DUOX1: variants seen among roughly 807,000 people sequenced by gnomAD.
The protein encoded by DUOX1 is dual oxidase 1.
A neutral mutation model predicts 181.8 loss-of-function variants in DUOX1; 134 were observed. That is an observed-to-expected ratio of 0.74 (90% CI 0.64 to 0.85). The LOEUF is 0.85. Among genes scored for constraint, DUOX1 ranks in the 40% least tolerant of loss-of-function variants. The pLI is 0.00. For missense variants in DUOX1, 1,814 were observed against 2,064.4 expected (o/e 0.88, Z 2.35); for synonymous variants, 798 against 832.5 (o/e 0.96, Z 0.71).
At chr15:45,133,983 C>T (rs1367026297) in intron 3 of DUOX1, 36 bp downstream of exon 3, 1 of 1,602,892 alleles carries the variant, frequency 6.2e-7, no homozygotes, top group East Asian at 2.2e-5. Flanking sequence ...AACCCCAGGG[C>T]CAGGGGGGTA....
intron 28 of DUOX1, among the ~76,000 whole-genome samples, chr15:45,159,798 C>T (rs1168914678): frequency 6.6e-6 from 1 of 152,214 alleles, no homozygotes; most frequent in Non-Finnish European, 1.5e-5. Context: ...TAATGGCAAA[C>T]AGTCCCTACC....
intron 28 of DUOX1, among the ~76,000 whole-genome samples, chr15:45,156,348 G>A (rs1896969285): frequency 6.6e-6 from 1 of 152,182 alleles, no homozygotes; most frequent in Non-Finnish European, 1.5e-5. Flanking sequence ...ATTTTTGGGG[G>A]CATTAGTCAC....
chr15:45,162,294 G>A lies in DUOX1; in HGVS notation c.4165G>A (p.Gly1389Ser). 11 of 1,613,914 alleles carry A rather than the reference G, an allele frequency of 6.8e-6. No individual in the cohort carries two copies. The highest frequency in any genetic ancestry group is 9.3e-6 in the Non-Finnish European group (11 of 1,179,924). Residue 1389 changes from glycine (G) to serine (S), a missense_variant, in exon 31 of 34, where the codon GGC becomes AGC. Gly to Ser is a moderately conservative substitution (Grantham distance 56). Around this residue, in one of 5 missense-constraint regions of DUOX1, gnomAD observed 279 missense variants for 381.9 expected, o/e 0.73. Transcript: ENST00000389037. ...KFEVSVLVGG[G>S]IGVTPFASIL... Reference sequence around the variant, plus strand: ...TGAGGTGTCAGTGTTAGTGGGAGGGGGCATTGGGGTCACCCCTTTTGCCTC... The same window carrying A: ...TGAGGTGTCAGTGTTAGTGGGAGGGAGCATTGGGGTCACCCCTTTTGCCTC...
chr15:45,155,064 A>G (rs1617207), intron 27 of DUOX1, among the ~76,000 whole-genome samples: 149,540 of 152,372 alleles, frequency 0.98, 73,466 homozygotes, highest in Non-Finnish European at 1. Flanking sequence ...ATGAGAGTAC[A>G]GCCTGTCATT....
intron 9 of DUOX1, among the ~76,000 whole-genome samples, chr15:45,137,133 A>T (rs1188509731): frequency 1.4e-5 from 2 of 146,086 alleles, no homozygotes; most frequent in African/African-American, 5.1e-5. Flanking sequence ...GGTTCACCTG[A>T]GGTCGGGAGT....
At position 45,163,521 on chromosome 15, in the gene DUOX1, T is replaced by A. The variant is rs1208044105; in HGVS notation, c.4249-11T>A. On this transcript the variant is annotated splice_polypyrimidine_tract_variant and intron_variant, in intron 31 of 33. Transcript: ENST00000389037. ...TGAGATGGGTCCTGAACTCCAGCCC[T>A]GTGTCCCCAGATCTACTTCATCTGG... 2 of 1,613,718 alleles carry A rather than the reference T, an allele frequency of 1.2e-6. No homozygotes were observed. Among genetic ancestry groups the A allele is most frequent in the Non-Finnish European group, 1.7e-6 (2 of 1,179,982 alleles).
Position 45,141,313 on chromosome 15 carries a change from T to C in DUOX1, c.1587T>C (p.Ile529=). 1 of 1,614,178 alleles carries C rather than the reference T, an allele frequency of 6.2e-7. No individual in the cohort carries two copies. The highest frequency in any genetic ancestry group is 8.5e-7 in the Non-Finnish European group (1 of 1,180,024). ...TRNGLFSKKE[I]EEIRNTTLQD... is the part of the protein sequence containing the mutation. The stretch of plus-strand genomic sequence containing the variant: ...TTAGGCTGTTCTCCAAGAAGGAGAT[T>C]GAAGAAATCCGAAATACCACCCTGC... Residue 529 remains isoleucine (I), a synonymous_variant, in exon 14 of 34, where the codon ATT becomes ATC. Coordinates refer to ENST00000389037, the MANE Select transcript of DUOX1 (RefSeq NM_175940.3).
At chr15:45,152,106 G>T in intron 24 of DUOX1, 54 bp downstream of exon 24, 1 of 1,585,378 alleles carries the variant, frequency 6.3e-7, no homozygotes. Context: ...ATGAGTGATC[G>T]CCCTGGGGGT....
intron 21 of DUOX1, among the ~76,000 whole-genome samples, chr15:45,149,031 T>A (rs930872663): frequency 6.6e-6 from 1 of 152,156 alleles, no homozygotes; most frequent in African/African-American, 2.4e-5. Context: ...CCCACCAGTG[T>A]CTGATTCAAG....
chr15:45,153,708 C>T (rs955364216), intron 26 of DUOX1: 3 of 640,758 alleles, frequency 4.7e-6, no homozygotes, highest in Non-Finnish European at 8.3e-6. Flanking sequence ...CTGAAGGGTC[C>T]CATCTGGAAT....
At position 45,135,646 on chromosome 15, in the gene DUOX1, C is replaced by T; in HGVS notation, c.668C>T (p.Thr223Ile). 1 of 1,529,546 alleles carries T rather than the reference C, an allele frequency of 6.5e-7. No individual in the cohort carries two copies. The highest frequency in any genetic ancestry group is 8.8e-7 in the Non-Finnish European group (1 of 1,137,944). 94.7% of individuals were successfully genotyped at this position (1,529,546 alleles called of 1,614,324 possible). A position where few individuals can be genotyped will look rare whatever the true frequency, so the allele number is the denominator to read the frequency against. The change falls in exon 6 of 34, where the codon ACC becomes ATC. Residue 223 changes from threonine (T) to isoleucine (I), a missense_variant. Thr to Ile is a moderately conservative substitution (Grantham distance 89). This residue lies in a region of DUOX1 where 320 missense variants were observed against 313.1 expected (regional missense o/e 1.02). Coordinates refer to ENST00000389037, the MANE Select transcript of DUOX1 (RefSeq NM_175940.3). The stretch of plus-strand genomic sequence containing the variant: ...ATGTGGGCGGCGCCCGACCCCGCCA[C>T]CGGGCAGAACGGGCCCCGGGGGCTG... ...LLMWAAPDPA[T>I]GQNGPRGLYA...
At chr15:45,157,884 C>T (rs1897002761) in intron 28 of DUOX1, among the ~76,000 whole-genome samples, 1 of 151,898 alleles carries the variant, frequency 6.6e-6, no homozygotes, top group Non-Finnish European at 1.5e-5. Flanking sequence ...GCTATCCTCA[C>T]CAGCAGTTTG....
intron 18 of DUOX1, 140 bp from the exon 19 acceptor site, chr15:45,147,293 C>T: frequency 9.0e-7 from 1 of 1,113,532 alleles, no homozygotes; most frequent in Admixed American, 2.6e-5. Flanking sequence ...CAAACATGGC[C>T]TCAGGCACCA....
chr15:45,165,274 G>A lies in DUOX1; in HGVS notation c.*373G>A, dbSNP rs527831542. On this transcript the variant is annotated 3_prime_UTR_variant, in exon 34 of 34. Coordinates refer to ENST00000389037, the MANE Select transcript of DUOX1 (RefSeq NM_175940.3). ...GTGTTGGGGCGGTGAGTGTAAGGAT[G>A]CAGTGGGAGCATGGATGCTGGCATC... 2.5e-5 allele frequency: 5 copies of A among 198,914 alleles called. No individual in the cohort carries two copies. The highest frequency in any genetic ancestry group is 1.2e-4 in the African/African-American group (5 of 43,274). 12.3% of individuals were successfully genotyped at this position (198,914 alleles called of 1,614,324 possible).
rs548716191 is a variant in DUOX1, at chr15:45,139,037, C to T, written c.1114-29C>T. The T allele has an allele frequency of 5.0e-6, 8 of 1,602,374 alleles. No individual in the cohort carries two copies. The Admixed American group carries it at 1.3e-4, about 27-fold the overall frequency. On this transcript the variant is annotated intron_variant, in intron 10 of 33. Coordinates refer to ENST00000389037, the MANE Select transcript of DUOX1 (RefSeq NM_175940.3). ...AACCTCTGACCCCATTAACCACACC[C>T]CTTTCCTCCCCACCCCCAACCTATA...
rs2141250875 is a variant in DUOX1 at position 45,133,739 on chromosome 15, T to A, written c.59-125T>A. 5.1e-6 allele frequency: 4 copies of A among 785,246 alleles called. No individual in the cohort carries two copies. The East Asian group carries it at 1.0e-4, about 20-fold the overall frequency. 48.6% of individuals were successfully genotyped at this position (785,246 alleles called of 1,614,324 possible). ...TTCCCTCTGCACCCTACCTCTCACA[T>A]CCACTTCAGGTATCCACTTTCTGCT... On this transcript the variant is annotated intron_variant, in intron 2 of 33. Coordinates refer to ENST00000389037, the MANE Select transcript of DUOX1 (RefSeq NM_175940.3).
At chr15:45,136,646 T>A in intron 9 of DUOX1, 21 bp downstream of exon 9, 3 of 1,611,990 alleles carry the variant, frequency 1.9e-6, no homozygotes, top group Non-Finnish European at 2.5e-6. Flanking sequence ...GGCTCAAAGG[T>A]GTGTGTGCTG....
At position 45,140,954 on chromosome 15, in the gene DUOX1, T is replaced by C. The variant is rs1327320420; in HGVS notation, c.1449T>C (p.Pro483=). 4 of 1,614,152 alleles carry C rather than the reference T, an allele frequency of 2.5e-6. No homozygotes were observed. The highest frequency in any genetic ancestry group is 3.4e-6 in the Non-Finnish European group (4 of 1,180,024). Residue 483 remains proline, a synonymous_variant, in exon 13 of 34, where the codon CCT becomes CCC. Transcript: ENST00000389037. ...NQDLSWLELL[P]GGLLESHRDP... is the part of the protein sequence containing the mutation. ...ACTTATCCTGGCTAGAGCTGCTCCC[T>C]GGGGGACTCCTGGAGAGCCACCGGG...
At chr15:45,133,834 C>T in intron 2 of DUOX1, 30 bp from the exon 3 acceptor site, 5 of 1,604,576 alleles carry the variant, frequency 3.1e-6, no homozygotes, top group Non-Finnish European at 4.3e-6. Flanking sequence ...CTGACTTGCC[C>T]AGCTGCCCCT....
Sources: allele counts gnomAD v4.1 joint callset (sites outside exome capture counted in the v4.1 genomes callset), GRCh38; gene constraint gnomAD v4.1.1; regional missense constraint gnomAD v4.1.1; transcripts MANE v1.5; gene names NCBI Gene and HGNC (gene_info 2026-07-23, HGNC 2026-07-21).